The following ZNF185 variants were observed in gnomAD, a reference collection of about 807,000 sequenced individuals.
ZNF185 encodes the protein zinc finger protein 185 with LIM domain, also known as zinc finger protein 185.
ZNF185 carries 56 observed loss-of-function variants against 58.6 expected under a neutral mutation model. The ratio of observed to expected loss-of-function variants is 0.95; its 90% CI spans 0.77 to 1.19. The LOEUF is 1.19. ZNF185 is among the 50% of genes most tolerant of loss of function. The pLI, the probability that ZNF185 is intolerant of heterozygous loss-of-function variation, is 0.00. For missense variants in ZNF185, 627 were observed against 573.5 expected (o/e 1.09, Z -0.95); for synonymous variants, 230 against 215.9 (o/e 1.07, Z -0.57).
At chrX:152,922,345 T>C in intron 10 of ZNF185, 89 bp downstream of exon 11, 6 of 908,120 alleles carry the variant, frequency 6.6e-6, no homozygotes, top group Non-Finnish European at 9.2e-6. Flanking sequence ...GGCACCTCCA[T>C]GCTGGGCTTC....
chrX:152,938,817 G>T (rs942604701), intron 15 of ZNF185, among the ~76,000 whole-genome samples: 20 of 90,880 alleles, frequency 2.2e-4, no homozygotes, highest in Non-Finnish European at 3.4e-4. Context: ...ATAGTGCTCC[G>T]AAGAAAACAG....
intron 16 of ZNF185, among the ~76,000 whole-genome samples, chrX:152,954,117 C>CA (rs2048565818): frequency 9.4e-6 from 1 of 106,893 alleles, no homozygotes; most frequent in South Asian, 4.0e-4. Context: ...CAAAATAATA[C>CA]AAAAAACATC....
At chrX:152,932,051 G>A (rs1942086436) in intron 13 of ZNF185, among the ~76,000 whole-genome samples, 1 of 112,619 alleles carries the variant, frequency 8.9e-6, no homozygotes, top group African/African-American at 3.2e-5. Context: ...CCAAACTCCA[G>A]GGCAGGCTAT....
chrX:152,959,652 G>C, intron 16 of ZNF185, 47 bp from the exon 19 acceptor site: 1 of 1,158,092 alleles, frequency 8.6e-7, no homozygotes. Context: ...GGAGAACAAA[G>C]TCTAGTCTCA....
chrX:152,903,691 G>A, the ZNF185 span, among the ~76,000 whole-genome samples: 4 of 111,744 alleles, frequency 3.6e-5, no homozygotes, highest in Non-Finnish European at 7.5e-5. Flanking sequence ...ATCTCCAAGG[G>A]CCCTTGAAGC....
intron 14 of ZNF185, 80 bp downstream of exon 16, chrX:152,936,593 C>T: frequency 3.4e-6 from 3 of 880,630 alleles, no homozygotes; most frequent in Non-Finnish European, 4.8e-6. Flanking sequence ...CTGCAGCACC[C>T]CAGGATCCCC....
Position 152,922,614 on chromosome X carries a change from AT to A in ZNF185, c.741-104del, listed in dbSNP as rs1939971762. On this transcript the variant is annotated intron_variant, in intron 10 of 22. Coordinates refer to ENST00000449285, the Ensembl canonical transcript of ZNF185. ...CCAGCCACCATGGCAGTAGCATGCC[AT>A]TGTCAGACTTGCTCCTTGCACTCCA... 5 of 757,211 alleles carry A rather than the reference AT, an allele frequency of 6.6e-6. No individual in the cohort carries two copies. In the African/African-American group the frequency reaches 1.1e-4, roughly 16 times the overall value. The allele number at this position is 757,211 out of a possible 1,213,427, so 62.4% of individuals were successfully genotyped here.
chrX:152,960,737 A>G (rs2049374008), intron 17 of ZNF185, among the ~76,000 whole-genome samples: 1 of 112,691 alleles, frequency 8.9e-6, no homozygotes, highest in South Asian at 3.7e-4. Flanking sequence ...CATTCTGTCA[A>G]TTGTCATTTC....
Position 152,915,208 on chromosome X carries a change from G to C in ZNF185, c.224+5G>C. On this transcript the variant is annotated splice_donor_5th_base_variant and intron_variant, in intron 3 of 22. Transcript: ENST00000449285. ...TGGGGAGGTTCCGAAGCCTAGGTAA[G>C]AGGTGGTGCTCAGGTGGCTGGTGGG... The C allele has an allele frequency of 8.3e-7, 1 of 1,209,054 alleles. No homozygotes were observed.
intron 19 of ZNF185, 31 bp downstream of exon 21, chrX:152,965,558 G>A (rs2050022534): frequency 2.7e-6 from 3 of 1,112,453 alleles, no homozygotes; most frequent in Non-Finnish European, 3.6e-6. Context: ...CTTCCATGTC[G>A]GCCTTCTCCT....
chrX:152,945,049 G>C (rs782314822), intron 15 of ZNF185, among the ~76,000 whole-genome samples: 4 of 112,311 alleles, frequency 3.6e-5, no homozygotes, highest in Middle Eastern at 8.4e-3. Flanking sequence ...ACACATGGAG[G>C]CCTGTTCAGT....
At chrX:152,918,939 A>T in intron 6 of ZNF185, 44 bp from the exon 8 acceptor site, 1 of 1,041,087 alleles carries the variant, frequency 9.6e-7, no homozygotes, top group Non-Finnish European at 1.3e-6. Flanking sequence ...CAAGCTGCTG[A>T]GGGTGGCAGC....
intron 16 of ZNF185, among the ~76,000 whole-genome samples, chrX:152,951,619 A>G (rs1556900214): frequency 8.9e-6 from 1 of 111,926 alleles, no homozygotes; most frequent in East Asian, 2.8e-4. Context: ...TTAACCATTA[A>G]TAACTTCTCT....
chrX:152,942,781 C>T (rs1381434691), intron 15 of ZNF185, among the ~76,000 whole-genome samples: 1 of 111,145 alleles, frequency 9.0e-6, no homozygotes, highest in Non-Finnish European at 1.9e-5. Context: ...CACTGGCAAC[C>T]GTTGTTGGCC....
intron 14 of ZNF185, 149 bp downstream of exon 16, chrX:152,936,662 C>G: frequency 2.1e-6 from 1 of 482,458 alleles, no homozygotes; most frequent in Admixed American, 3.6e-5. Context: ...AGACAGGGAA[C>G]TCCAGGGGGA....
intron 15 of ZNF185, among the ~76,000 whole-genome samples, chrX:152,943,069 A>G (rs1016651392): frequency 1.8e-5 from 2 of 111,330 alleles, no homozygotes; most frequent in Non-Finnish European, 3.8e-5. Context: ...CAATGGGGTG[A>G]TCTCGGCTTA....
At chrX:152,928,928 C>T (rs1941399671) in intron 12 of ZNF185, among the ~76,000 whole-genome samples, 1 of 113,081 alleles carries the variant, frequency 8.8e-6, no homozygotes, top group South Asian at 3.6e-4. Context: ...CTGGAATTGC[C>T]ATCTGCCTGG....
At chrX:152,908,121 C>G in the ZNF185 span, among the ~76,000 whole-genome samples, 1 of 112,685 alleles carries the variant, frequency 8.9e-6, no homozygotes, top group East Asian at 2.8e-4. Flanking sequence ...TGGGATGTCA[C>G]AGCCATGTGA....
Position 152,914,540 on chromosome X carries a change from C to G in ZNF185, c.34+17C>G. ...GCACCAAAGGTGAGGCCTGGGCTCC[C>G]TGGTTTCCCAGGCTCTGTTTGGGGC... On this transcript the variant is annotated intron_variant, in intron 1 of 22. Transcript: ENST00000449285. 1.7e-6 allele frequency: 2 copies of G among 1,170,871 alleles called. No homozygotes were observed. The highest frequency in any genetic ancestry group is 2.3e-6 in the Non-Finnish European group (2 of 873,133).
Sources: allele counts gnomAD v4.1 joint callset (sites outside exome capture counted in the v4.1 genomes callset), GRCh38; gene constraint gnomAD v4.1.1; transcripts MANE v1.5; gene names NCBI Gene and HGNC (gene_info 2026-07-23, HGNC 2026-07-21).